The following SPIN3 variants were observed in gnomAD, a reference collection of about 807,000 sequenced individuals.
The protein encoded by SPIN3 is spindlin family member 3.
For synonymous variants in SPIN3, 74 were observed against 74.3 expected (o/e 1.00, Z 0.02); for missense variants, 176 against 196.4 (o/e 0.90, Z 0.62).
At chrX:56,983,773 C>G (rs987529559) in intron 3 of SPIN3, among the ~76,000 whole-genome samples, 1 of 112,615 alleles carries the variant, frequency 8.9e-6, no homozygotes, top group African/African-American at 3.2e-5. Flanking sequence ...GGCTTGACTA[C>G]TGGGGACCCC....
At chrX:56,978,418 C>G (rs1602737183) in intron 4 of SPIN3, 3 of 112,008 alleles carry the variant, frequency 2.7e-5, no homozygotes, top group Non-Finnish European at 3.8e-5. Flanking sequence ...GGAAGGTGAG[C>G]TGTCTGAAGC....
exon 6 of SPIN3, chrX:56,976,505 C>T (rs1924009243): frequency 9.0e-6 from 1 of 111,554 alleles, no homozygotes; most frequent in African/African-American, 3.3e-5. Context: ...AGCCTGCCTT[C>T]AAAACAAGAG....
At chrX:56,985,925 T>C (rs892174075), downstream of SPIN3, among the ~76,000 whole-genome samples, 2 of 111,204 alleles carry the variant, frequency 1.8e-5, no homozygotes, top group Non-Finnish European at 3.8e-5. Context: ...CTCACTTCCT[T>C]CATTTATTTG....
At chrX:56,978,031 G>A (rs1924041585) in intron 5 of SPIN3, 2 of 112,098 alleles carry the variant, frequency 1.8e-5, no homozygotes, top group Non-Finnish European at 3.8e-5. Context: ...TGCCATGAGT[G>A]AGAGTGAACC....
chrX:56,976,900 A>G (rs1275727809), exon 6 of SPIN3: 1 of 112,119 alleles, frequency 8.9e-6, no homozygotes, highest in Non-Finnish European at 1.9e-5. Flanking sequence ...ATTGCTAGCC[A>G]ATAATTGCAG....
chrX:56,994,662 A>G lies in SPIN3; in HGVS notation c.286T>C (p.Leu96=), dbSNP rs770345805. The change falls in exon 2 of 2, where the codon TTG becomes CTG. Residue 96 remains leucine, a synonymous_variant. Transcript: ENST00000374919. ...ACTCTTTCATCTCTGTGAAGTTCCA[A>G]TCCATAAACACAGTCAAATCCATCA... ...KYDGFDCVYG[L]ELHRDERVSS... 7 of 1,210,402 alleles carry G rather than the reference A, an allele frequency of 5.8e-6. No homozygotes were observed. Among genetic ancestry groups the G allele is most frequent in the East Asian group, 3.0e-5 (1 of 33,774 alleles).
At chrX:56,982,392 G>C (rs933277533) in intron 3 of SPIN3, 8 of 111,382 alleles carry the variant, frequency 7.2e-5, no homozygotes, top group Non-Finnish European at 1.5e-4. Flanking sequence ...TGTGAGAAAA[G>C]GGAGGGAAAC....
chrX:56,993,791 C>A lies in SPIN3; in HGVS notation c.*380G>T, dbSNP rs1331043768. ...TGAGATTGCAAAGACACTTACCCAG[C>A]CAGTCACATGGGATATCTCAGCAAG... On this transcript the variant is annotated 3_prime_UTR_variant, in exon 2 of 2. Transcript: ENST00000374919. 2.5e-5 allele frequency: 3 copies of A among 122,248 alleles called. No homozygotes were observed. Among genetic ancestry groups the A allele is most frequent in the Non-Finnish European group, 3.3e-5 (2 of 60,974 alleles). The allele number at this position is 122,248 out of a possible 1,213,427, so 10.1% of individuals were successfully genotyped here.
In SPIN3 at chrX:56,994,094, C is replaced by A. The variant is rs1038869483; in HGVS notation, c.*77G>T. On this transcript the variant is annotated 3_prime_UTR_variant, in exon 2 of 2. Transcript: ENST00000374919. ...GCAAAAAGGGAGAAGATGGTTCTTA[C>A]AAACTGGAAAGCAATCAAGACTTTC... 1.2e-5 allele frequency: 12 copies of A among 1,023,974 alleles called. No individual in the cohort carries two copies. The South Asian group carries it at 2.7e-4, about 23-fold the overall frequency. The allele number at this position is 1,023,974 out of a possible 1,213,427, so 84.4% of individuals were successfully genotyped here.
rs1924370847 is a variant in SPIN3 at position 56,992,548 on chromosome X, G to T, written c.*1623C>A. 3 of 295,364 alleles carry T rather than the reference G, an allele frequency of 1.0e-5. No individual in the cohort carries two copies. Among genetic ancestry groups the T allele is most frequent in the Non-Finnish European group, 1.8e-5 (3 of 169,976 alleles). 24.3% of individuals were successfully genotyped at this position (295,364 alleles called of 1,213,427 possible). A position where few individuals can be genotyped will look rare whatever the true frequency, so the allele number is the denominator to read the frequency against. ...CATCCTCAGCAGGATGCCAATCTGT[G>T]CCGGTAGTCTGGACTCCATGACCTG... On this transcript the variant is annotated 3_prime_UTR_variant, in exon 2 of 2. Transcript: ENST00000374919.
chrX:56,995,164 C>A, intron 1 of SPIN3, 52 bp downstream of exon 1: 3 of 381,245 alleles, frequency 7.9e-6, no homozygotes, highest in Non-Finnish European at 1.3e-5. Flanking sequence ...ATCTGCGGTT[C>A]GGTGAAATAC....
chrX:56,991,057 G>A lies in SPIN3; in HGVS notation c.*3114C>T, dbSNP rs1288233546. 8.9e-6 allele frequency: 1 copy of A among 111,919 alleles called. No homozygotes were observed. Among genetic ancestry groups the A allele is most frequent in the South Asian group, 3.7e-4 (1 of 2,687 alleles). The allele number at this position is 111,919 out of a possible 1,213,427, so 9.2% of individuals were successfully genotyped here. A position where few individuals can be genotyped will look rare whatever the true frequency, so the allele number is the denominator to read the frequency against. ...TGGGACCAGGGAACTGAGGCCAGGG[G>A]TGAGAAGGAGGAAGAGAGACTTACT... is the stretch of plus-strand genomic sequence containing the variant. On this transcript the variant is annotated 3_prime_UTR_variant, in exon 2 of 2. Coordinates refer to ENST00000374919, the MANE Select transcript of SPIN3 (RefSeq NM_001010862.3).
At chrX:56,989,741 G>C (rs1350432190), downstream of SPIN3, among the ~76,000 whole-genome samples, 1 of 111,529 alleles carries the variant, frequency 9.0e-6, no homozygotes, top group Non-Finnish European at 1.9e-5. Context: ...AAGGAATCTA[G>C]GTTGCATGTT....
At chrX:56,987,809 A>T (rs755993454), downstream of SPIN3, among the ~76,000 whole-genome samples, 3 of 112,204 alleles carry the variant, frequency 2.7e-5, no homozygotes, top group Non-Finnish European at 5.6e-5. Context: ...AATTTCTTTC[A>T]CATTTCAGTA....
intron 3 of SPIN3, chrX:56,978,929 AATATAC>A (rs1924059514): frequency 9.0e-6 from 1 of 111,385 alleles, no homozygotes; most frequent in African/African-American, 3.3e-5. Flanking sequence ...CTCCAGCCCT[AATATAC>A]ATATACCCTT....
At chrX:56,987,939 T>C (rs1424679554), downstream of SPIN3, among the ~76,000 whole-genome samples, 1 of 112,091 alleles carries the variant, frequency 8.9e-6, no homozygotes, top group Non-Finnish European at 1.9e-5. Flanking sequence ...TCACCTTTAT[T>C]AAGCATCTGT....
At chrX:56,990,829 AAT>A (rs985307049) in exon 2 of SPIN3, 1 of 111,221 alleles carries the variant, frequency 9.0e-6, no homozygotes, top group Non-Finnish European at 1.9e-5. Context: ...ACAGGAATCA[AAT>A]AGGGATTAAG....
At position 56,991,639 on chromosome X, in the gene SPIN3, A is replaced by G. The variant is rs1924339924; in HGVS notation, c.*2532T>C. 1 of 112,758 alleles carries G rather than the reference A, an allele frequency of 8.9e-6. No individual in the cohort carries two copies. The highest frequency in any genetic ancestry group is 1.9e-5 in the Non-Finnish European group (1 of 53,622). 9.3% of individuals were successfully genotyped at this position (112,758 alleles called of 1,213,427 possible). A position where few individuals can be genotyped will look rare whatever the true frequency, so the allele number is the denominator to read the frequency against. ...TAAGCCACAATGGTTAATGCTCAAG[A>G]CTCTGGTCAACAAACAGGGCTGTGG... On this transcript the variant is annotated 3_prime_UTR_variant, in exon 2 of 2. Transcript: ENST00000374919.
At chrX:56,989,275 G>C (rs1924283482), downstream of SPIN3, among the ~76,000 whole-genome samples, 1 of 111,261 alleles carries the variant, frequency 9.0e-6, no homozygotes, top group Non-Finnish European at 1.9e-5. Flanking sequence ...GCAGTAACTA[G>C]ATAAGACTTC....
Sources: allele counts gnomAD v4.1 joint callset (sites outside exome capture counted in the v4.1 genomes callset), GRCh38; gene constraint gnomAD v4.1.1; transcripts MANE v1.5; gene names NCBI Gene and HGNC (gene_info 2026-07-23, HGNC 2026-07-21).